Variants in ANTXR2 observed in about 807,000 individuals in gnomAD.
ANTXR2 encodes ANTXR cell adhesion molecule 2.
ANTXR2 carries 44 observed loss-of-function variants against 73.7 expected under a neutral mutation model. The ratio of observed to expected loss-of-function variants is 0.60; its 90% confidence interval spans 0.47 to 0.77. The LOEUF is 0.77. ANTXR2 is among the 30% of genes least tolerant of loss of function. ANTXR2 has a pLI of 0.00. For missense variants in ANTXR2, 604 were observed against 592.5 expected (o/e 1.02, Z -0.20); for synonymous variants, 217 against 205.9 (o/e 1.05, Z -0.46).
chr4:79,966,013 T>C (rs59743843), intron 16 of ANTXR2, among the ~76,000 whole-genome samples: 2,934 of 152,188 alleles, frequency 0.019, 91 homozygotes, highest in African/African-American at 0.065. Context: ...TTGCAAACAA[T>C]AGGATTTCAC....
At chr4:80,003,582 T>A (rs72655004) in intron 12 of ANTXR2, among the ~76,000 whole-genome samples, 2 of 151,360 alleles carry the variant, frequency 1.3e-5, no homozygotes, top group Admixed American at 6.6e-5. Context: ...TAAAATAAAA[T>A]AAAAAGAAAA....
At chr4:80,038,035 T>C (rs1733060517) in intron 7 of ANTXR2, among the ~76,000 whole-genome samples, 1 of 152,134 alleles carries the variant, frequency 6.6e-6, no homozygotes, top group African/African-American at 2.4e-5. Context: ...GCTTTATCAG[T>C]ATTACTGAAA....
intron 14 of ANTXR2, among the ~76,000 whole-genome samples, chr4:79,982,350 A>G (rs1729927134): frequency 1.3e-5 from 2 of 152,172 alleles, no homozygotes; most frequent in African/African-American, 4.8e-5. Context: ...CATTTTTGGT[A>G]TATTCTATCA....
Position 80,022,930 on chromosome 4 carries a change from G to A in ANTXR2, c.867-3954C>T, listed in dbSNP as rs187365933. 4.8e-3 allele frequency among the ~76,000 whole-genome samples: 728 copies of A among 152,240 alleles called. 37 individuals are homozygous for A. Among genetic ancestry groups the A allele is most frequent in the Admixed American group, 0.044 (670 of 15,288 alleles). ...TATTTCAAAGTTGTTTTAAGGAACAGAGCTTGGTAAAATAATATACATAAA... is the reference window on the plus strand; with the variant it reads ...TATTTCAAAGTTGTTTTAAGGAACAAAGCTTGGTAAAATAATATACATAAA... On this transcript the variant is annotated intron_variant, in intron 10 of 16. Coordinates refer to ENST00000403729, the MANE Select transcript of ANTXR2 (RefSeq NM_058172.6).
intron 16 of ANTXR2, among the ~76,000 whole-genome samples, chr4:79,915,370 T>C: frequency 6.6e-6 from 1 of 152,160 alleles, no homozygotes; most frequent in East Asian, 1.9e-4. Context: ...CTCCCATCTC[T>C]TGAGCATTAA....
intron 16 of ANTXR2, among the ~76,000 whole-genome samples, chr4:79,947,035 G>A (rs1461969526): frequency 6.6e-6 from 1 of 152,028 alleles, no homozygotes; most frequent in African/African-American, 2.4e-5. Flanking sequence ...GCTTCTTTTG[G>A]CCAGAAGCAA....
In ANTXR2 at chr4:79,978,014, G is replaced by T. The variant is rs1013272170; in HGVS notation, c.1340C>A (p.Pro447Gln). Residue 447 changes from proline (P) to glutamine (Q), a missense_variant, in exon 15 of 17, where the codon CCA becomes CAA. Physicochemically the swap from Pro to Gln is moderately conservative, Grantham distance 76. Coordinates refer to ENST00000403729, the MANE Select transcript of ANTXR2 (RefSeq NM_058172.6). ...CAAAATCTGGACACATACCTTAATT[G>T]GGGTGTACCATTTTGTCTGAGGAGG... Reference protein sequence around the residue: ...HQPPQTKWYTPIKGRLDALWA... With the variant: ...HQPPQTKWYTQIKGRLDALWA... 2.5e-6 allele frequency: 4 copies of T among 1,594,098 alleles called. No individual in the cohort carries two copies. Among genetic ancestry groups the T allele is most frequent in the African/African-American group, 1.4e-5 (1 of 73,246 alleles).
intron 10 of ANTXR2, 58 bp downstream of exon 10, chr4:80,031,565 A>G: frequency 1.6e-6 from 2 of 1,270,462 alleles, no homozygotes; most frequent in South Asian, 1.6e-5. Flanking sequence ...ATATGTCACC[A>G]TTTTCTAATA....
intron 3 of ANTXR2, among the ~76,000 whole-genome samples, chr4:80,057,330 A>G (rs1734046854): frequency 6.6e-6 from 1 of 152,000 alleles, no homozygotes; most frequent in African/African-American, 2.4e-5. Context: ...AAATATGTCA[A>G]AAATAATTTC....
intron 16 of ANTXR2, among the ~76,000 whole-genome samples, chr4:79,934,594 C>T (rs1027212818): frequency 6.6e-6 from 1 of 151,412 alleles, no homozygotes; most frequent in Non-Finnish European, 1.5e-5. Flanking sequence ...GACTCTTTCA[C>T]CTTATTTTCA....
chr4:79,953,554 T>C lies in ANTXR2; in HGVS notation c.1428+24067A>G, dbSNP rs202006239. The stretch of plus-strand genomic sequence containing the variant: ...TCTGAGAGCTTTGATAATTGAAATA[T>C]ATAATTTGGGATTGTGTCATAATCT... On this transcript the variant is annotated intron_variant, in intron 16 of 16. Coordinates refer to ENST00000403729, the MANE Select transcript of ANTXR2 (RefSeq NM_058172.6). 1.2e-4 allele frequency among the ~76,000 whole-genome samples: 18 copies of C among 152,288 alleles called. No homozygotes were observed. In the East Asian group the frequency reaches 2.3e-3, roughly 20 times the overall value.
intron 16 of ANTXR2, among the ~76,000 whole-genome samples, chr4:79,916,458 G>A (rs1384552174): frequency 6.6e-6 from 1 of 151,936 alleles, no homozygotes; most frequent in Non-Finnish European, 1.5e-5. Context: ...TATTTTGTGA[G>A]GCACATAGTA....
At chr4:79,990,984 T>C (rs1488846899) in intron 12 of ANTXR2, among the ~76,000 whole-genome samples, 2 of 151,884 alleles carry the variant, frequency 1.3e-5, no homozygotes, top group African/African-American at 2.4e-5. Flanking sequence ...TTCTTAAATA[T>C]AAAACCTAAA....
At chr4:80,071,694 G>T (rs756828977) in intron 1 of ANTXR2, 40 bp from the exon 2 acceptor site, 4 of 1,499,254 alleles carry the variant, frequency 2.7e-6, no homozygotes, top group Non-Finnish European at 3.7e-6. Context: ...AACAAAACAC[G>T]GAACTGAAAA....
intron 12 of ANTXR2, among the ~76,000 whole-genome samples, chr4:79,993,789 CTT>C (rs1730599423): frequency 6.6e-6 from 1 of 151,500 alleles, no homozygotes; most frequent in African/African-American, 2.4e-5. Flanking sequence ...CACACATGCA[CTT>C]TTTCTTTCAG....
intron 14 of ANTXR2, among the ~76,000 whole-genome samples, chr4:79,978,698 G>A (rs1729753265): frequency 6.6e-6 from 1 of 152,228 alleles, no homozygotes; most frequent in African/African-American, 2.4e-5. Context: ...GGGAGGTTAA[G>A]TGATATGCCC....
At chr4:80,050,554 T>C (rs906706987) in intron 7 of ANTXR2, among the ~76,000 whole-genome samples, 2 of 151,614 alleles carry the variant, frequency 1.3e-5, no homozygotes, top group East Asian at 3.9e-4. Flanking sequence ...TCAATTGTTA[T>C]CTCATTTAAT....
At chr4:79,973,724 T>C (rs1467836230) in intron 16 of ANTXR2, among the ~76,000 whole-genome samples, 1 of 152,124 alleles carries the variant, frequency 6.6e-6, no homozygotes, top group Non-Finnish European at 1.5e-5. Flanking sequence ...CCACCACACC[T>C]GGCCACATTC....
chr4:80,068,202 C>G (rs780032978), intron 3 of ANTXR2, among the ~76,000 whole-genome samples: 2 of 152,140 alleles, frequency 1.3e-5, no homozygotes, highest in Non-Finnish European at 2.9e-5. Context: ...ATTATGATTT[C>G]TTGACCTTTT....
Sources: gnomAD v4.1 joint callset for allele counts (sites outside exome capture counted in the v4.1 genomes callset) on GRCh38, gnomAD v4.1.1 for gene constraint, MANE v1.5 for transcripts, NCBI Gene and HGNC (gene_info 2026-07-23, HGNC 2026-07-21) for gene names.